The following LGSN variants were observed in gnomAD, a reference collection of about 807,000 sequenced individuals.
LGSN encodes the protein lengsin.
A neutral mutation model predicts 19.5 loss-of-function variants in LGSN; 21 were observed. The ratio of observed to expected loss-of-function variants is 1.07; its 90% CI spans 0.76 to 1.55. The LOEUF is 1.55. Among genes scored for constraint, LGSN ranks in the 40% most tolerant of loss-of-function variants. The probability of loss-of-function intolerance (pLI) is 0.00; values close to 1 mark genes in which losing one functional copy is unlikely to be tolerated. For missense variants in LGSN, 673 were observed against 608.5 expected, an observed-to-expected ratio of 1.11 and a Z score of -1.12; for synonymous variants, 257 against 215.6, an observed-to-expected ratio of 1.19 and a Z score of -1.68.
chr6:63,339,877 A>C, the LGSN span, among the ~76,000 whole-genome samples: 1 of 151,938 alleles, frequency 6.6e-6, no homozygotes, highest in African/African-American at 2.4e-5. Context: ...ATGTGTTTTC[A>C]TGATGTCAGA....
At chr6:63,524,120 G>C in the LGSN span, among the ~76,000 whole-genome samples, 4 of 152,014 alleles carry the variant, frequency 2.6e-5, no homozygotes, top group African/African-American at 9.7e-5. Flanking sequence ...AAGTAGCTGG[G>C]ACTACAGGCC....
chr6:63,391,859 T>C, the LGSN span, among the ~76,000 whole-genome samples: 10 of 152,196 alleles, frequency 6.6e-5, no homozygotes, highest in African/African-American at 1.9e-4. Context: ...CTGTCTTTCA[T>C]AGAAGAGGTC....
At chr6:63,432,364 A>G in the LGSN span, among the ~76,000 whole-genome samples, 2 of 152,116 alleles carry the variant, frequency 1.3e-5, no homozygotes, top group Non-Finnish European at 2.9e-5. Flanking sequence ...TGACATTTAT[A>G]TAGATAGGGC....
At chr6:63,334,916 A>G in the LGSN span, among the ~76,000 whole-genome samples, 17 of 152,138 alleles carry the variant, frequency 1.1e-4, no homozygotes, top group East Asian at 3.3e-3. Flanking sequence ...AGGAGGATGG[A>G]TCACAAGGTC....
At chr6:63,328,414 T>C in the LGSN span, among the ~76,000 whole-genome samples, 2 of 152,218 alleles carry the variant, frequency 1.3e-5, no homozygotes, top group South Asian at 2.1e-4. Context: ...CAAGGAGTAG[T>C]GCCTGGTATC....
intron 2 of LGSN, chr6:63,293,799 A>G (rs754587975): frequency 6.6e-6 from 3 of 456,494 alleles, no homozygotes; most frequent in Non-Finnish European, 1.3e-5. Flanking sequence ...GCCAGGTCCC[A>G]TGATAGGTTT....
chr6:63,571,376 A>T, the LGSN span: 42 of 152,232 alleles, frequency 2.8e-4, no homozygotes, highest in Admixed American at 2.7e-3. Flanking sequence ...TGAGTTCTTA[A>T]AAAGCAGGTA....
At chr6:63,341,226 A>T in the LGSN span, among the ~76,000 whole-genome samples, 4 of 152,178 alleles carry the variant, frequency 2.6e-5, no homozygotes, top group Admixed American at 6.5e-5. Flanking sequence ...GATGGCACAC[A>T]TGGATGCCAG....
chr6:63,299,161 G>T (rs139932958), intron 1 of LGSN, among the ~76,000 whole-genome samples: 4 of 152,256 alleles, frequency 2.6e-5, no homozygotes, highest in African/African-American at 9.6e-5. Context: ...AACTTAAAAA[G>T]ACTGCCTATT....
the LGSN span, chr6:63,396,824 G>A: frequency 1.3e-5 from 2 of 152,946 alleles, no homozygotes; most frequent in Non-Finnish European, 2.9e-5. Context: ...ATGGGGACTG[G>A]GGTGGGTGGA....
At chr6:63,345,949 C>T in the LGSN span, among the ~76,000 whole-genome samples, 1 of 152,142 alleles carries the variant, frequency 6.6e-6, no homozygotes, top group Non-Finnish European at 1.5e-5. Context: ...ATTCTATATT[C>T]CATTCTGTTG....
intron 1 of LGSN, among the ~76,000 whole-genome samples, chr6:63,317,554 G>GAAATCTTCAGAAGAC (rs1768911437): frequency 6.6e-6 from 1 of 152,160 alleles, no homozygotes; most frequent in Non-Finnish European, 1.5e-5. Flanking sequence ...TATAAACCTT[G>GAAATCTTCAGAAGAC]AAATCTTCAG....
chr6:63,451,545 G>A, the LGSN span, among the ~76,000 whole-genome samples: 3 of 152,108 alleles, frequency 2.0e-5, no homozygotes, highest in Non-Finnish European at 4.4e-5. Flanking sequence ...GGAGTTAAAT[G>A]ATGAGAACAC....
chr6:63,349,233 G>A, the LGSN span, among the ~76,000 whole-genome samples: 1 of 152,170 alleles, frequency 6.6e-6, no homozygotes, highest in Non-Finnish European at 1.5e-5. Context: ...AACTTAATCA[G>A]AACTGTGCTT....
chr6:63,561,596 G>C, the LGSN span, among the ~76,000 whole-genome samples: 9 of 151,984 alleles, frequency 5.9e-5, no homozygotes, highest in Non-Finnish European at 1.3e-4. Flanking sequence ...CACATTCCAG[G>C]GCACTTACAA....
chr6:63,357,091 T>C, the LGSN span, among the ~76,000 whole-genome samples: 6 of 151,580 alleles, frequency 4.0e-5, no homozygotes, highest in Admixed American at 1.3e-4. Flanking sequence ...GTTTGGTTTT[T>C]TGTCCTTGCG....
chr6:63,542,063 A>G, the LGSN span, among the ~76,000 whole-genome samples: 34 of 117,312 alleles, frequency 2.9e-4, no homozygotes, highest in African/African-American at 1.1e-3. Flanking sequence ...GTGTGTGTGT[A>G]TACATACACA....
At chr6:63,444,447 G>T in the LGSN span, among the ~76,000 whole-genome samples, 4 of 152,194 alleles carry the variant, frequency 2.6e-5, no homozygotes, top group African/African-American at 9.6e-5. Context: ...TACACAAGTG[G>T]TTGTAATTTC....
the LGSN span, among the ~76,000 whole-genome samples, chr6:63,471,094 G>A: frequency 6.6e-6 from 1 of 151,206 alleles, no homozygotes; most frequent in Non-Finnish European, 1.5e-5. Context: ...GGGATTACAG[G>A]CATGCGCCAC....
Sources: gnomAD v4.1 joint callset for allele counts (sites outside exome capture counted in the v4.1 genomes callset) on GRCh38, gnomAD v4.1.1 for gene constraint, MANE v1.5 for transcripts, NCBI Gene and HGNC (gene_info 2026-07-23, HGNC 2026-07-21) for gene names.